Variants in PTPRG observed in about 807,000 individuals in gnomAD.
PTPRG encodes protein tyrosine phosphatase receptor type G.
Under a neutral mutation model 165.3 loss-of-function variants are expected in PTPRG, and 102 were observed. The ratio of observed to expected loss-of-function variants is 0.62; its 90% CI spans 0.53 to 0.73. The LOEUF is 0.73. Among genes scored for constraint, PTPRG ranks in the 30% least tolerant of loss-of-function variants. The probability of loss-of-function intolerance (pLI) is 0.00; values close to 1 mark genes in which losing one functional copy is unlikely to be tolerated. For synonymous variants in PTPRG, 675 were observed against 669.5 expected, an observed-to-expected ratio of 1.01 and a Z score of -0.13; for missense variants, 1,866 against 1,861.4, an observed-to-expected ratio of 1.00 and a Z score of -0.05.
At chr3:61,787,680 A>C (rs2034749484) in intron 2 of PTPRG, among the ~76,000 whole-genome samples, 3 of 152,196 alleles carry the variant, frequency 2.0e-5, no homozygotes, top group South Asian at 4.1e-4. Flanking sequence ...TTTTGGTATG[A>C]TGGACACAAT....
intron 1 of PTPRG, among the ~76,000 whole-genome samples, chr3:61,573,275 C>G (rs923687855): frequency 1.3e-5 from 2 of 152,134 alleles, no homozygotes; most frequent in Non-Finnish European, 2.9e-5. Flanking sequence ...GGGGGGAAAG[C>G]CAGTGACTAT....
At chr3:61,940,645 A>T (rs1331785060) in intron 2 of PTPRG, among the ~76,000 whole-genome samples, 1 of 145,232 alleles carries the variant, frequency 6.9e-6, no homozygotes, top group Non-Finnish European at 1.5e-5. Flanking sequence ...GATTCAGTAG[A>T]TGCTTTTATT....
intron 1 of PTPRG, among the ~76,000 whole-genome samples, chr3:61,614,508 C>T (rs1299430904): frequency 1.4e-5 from 2 of 138,868 alleles, no homozygotes; most frequent in Admixed American, 8.1e-5. Context: ...TTCTGGGGCT[C>T]AAGTGATCCT....
chr3:61,846,927 G>C (rs545633938), intron 2 of PTPRG, among the ~76,000 whole-genome samples: 233 of 152,214 alleles, frequency 1.5e-3, no homozygotes, highest in African/African-American at 5.4e-3. Context: ...AAAATAGAGA[G>C]AGAGGGACAA....
chr3:61,902,315 A>G (rs964576256), intron 2 of PTPRG, among the ~76,000 whole-genome samples: 12 of 152,178 alleles, frequency 7.9e-5, no homozygotes, highest in East Asian at 3.8e-4. Context: ...TTTCCATTGT[A>G]TGGTTCTTAA....
intron 6 of PTPRG, among the ~76,000 whole-genome samples, chr3:62,146,579 T>C (rs1199573871): frequency 6.6e-6 from 1 of 151,246 alleles, no homozygotes; most frequent in African/African-American, 2.4e-5. Context: ...CATACCTCCA[T>C]CACTGCATGG....
intron 2 of PTPRG, among the ~76,000 whole-genome samples, chr3:61,793,707 A>AAGTCC (rs1452365590): frequency 1.3e-5 from 2 of 152,214 alleles, no homozygotes; most frequent in African/African-American, 4.8e-5. Context: ...AAATTGGCAG[A>AAGTCC]AGTCCAGTCC....
chr3:62,203,657 C>A lies in PTPRG; in HGVS notation c.1862C>A (p.Thr621Lys). 6.4e-7 allele frequency: 1 copy of A among 1,562,100 alleles called. No individual in the cohort carries two copies. The highest frequency in any genetic ancestry group is 8.7e-7 in the Non-Finnish European group (1 of 1,152,678). Reference protein sequence around the residue: ...VTHAAEERNQTEPSPTPSSPN... With the variant: ...VTHAAEERNQKEPSPTPSSPN... ...CACGCTGCCGAGGAGCGGAATCAGA[C>A]GGAGCCCAGCCCCACACCCTCGTCT... Residue 621 changes from threonine to lysine, a missense_variant, in exon 12 of 30, where the codon ACG (threonine) becomes AAG (lysine). Coordinates refer to ENST00000474889, the MANE Select transcript of PTPRG (RefSeq NM_002841.4). This position sits in a 1 kb window ranked among gnomAD's most constrained non-coding sequence, Gnocchi z 6.4.
chr3:61,697,283 C>G (rs2030659207), intron 1 of PTPRG, among the ~76,000 whole-genome samples: 2 of 152,092 alleles, frequency 1.3e-5, no homozygotes. Context: ...AAGTCTCATA[C>G]TTCGGCATGC....
At chr3:62,056,414 T>C (rs551032766) in intron 4 of PTPRG, among the ~76,000 whole-genome samples, 2 of 152,288 alleles carry the variant, frequency 1.3e-5, no homozygotes, top group East Asian at 1.9e-4. Flanking sequence ...TAATACCTTA[T>C]AAGATTTTTT....
At position 61,915,479 on chromosome 3, in the gene PTPRG, G is replaced by A. The variant is rs1162948810; in HGVS notation, c.191-74146G>A. ...AAATCTGATTAATGTAGCAAGAGACGGTGTCAAGTTAGAGGAAGGCATTGT... is the reference window on the plus strand; with the variant it reads ...AAATCTGATTAATGTAGCAAGAGACAGTGTCAAGTTAGAGGAAGGCATTGT... On this transcript the variant is annotated intron_variant, in intron 2 of 29. Transcript: ENST00000474889. 2.0e-5 allele frequency among the ~76,000 whole-genome samples: 3 copies of A among 152,094 alleles called. No individual in the cohort carries two copies. In the East Asian group the frequency reaches 5.8e-4, roughly 29 times the overall value.
At chr3:61,678,285 C>T (rs1229523653) in intron 1 of PTPRG, among the ~76,000 whole-genome samples, 2 of 152,104 alleles carry the variant, frequency 1.3e-5, no homozygotes, top group African/African-American at 2.4e-5. Flanking sequence ...GAAGGGGTAG[C>T]CCGACGGGTT....
At chr3:62,133,209 C>T (rs1428714294) in intron 6 of PTPRG, among the ~76,000 whole-genome samples, 2 of 152,224 alleles carry the variant, frequency 1.3e-5, no homozygotes, top group Non-Finnish European at 1.5e-5. Flanking sequence ...TCTTTTCCAA[C>T]TGGTTTTTAT....
chr3:61,636,601 C>T (rs1483094276), intron 1 of PTPRG, among the ~76,000 whole-genome samples: 3 of 152,176 alleles, frequency 2.0e-5, no homozygotes, highest in Non-Finnish European at 4.4e-5. Flanking sequence ...GGATTACAGG[C>T]GTGAGCCACC....
chr3:62,069,737 G>A (rs117322831), intron 4 of PTPRG, among the ~76,000 whole-genome samples: 4 of 149,682 alleles, frequency 2.7e-5, no homozygotes, highest in East Asian at 4.0e-4. Context: ...GAGTAACTCC[G>A]GCCTATAATT....
chr3:61,890,335 C>A (rs1027543373), intron 2 of PTPRG, among the ~76,000 whole-genome samples: 1 of 151,276 alleles, frequency 6.6e-6, no homozygotes, highest in African/African-American at 2.4e-5. Context: ...GTTTGATTAA[C>A]CAAGCGCAGC....
chr3:61,868,665 A>G (rs191511086), intron 2 of PTPRG, among the ~76,000 whole-genome samples: 286 of 152,304 alleles, frequency 1.9e-3, no homozygotes, highest in Non-Finnish European at 3.4e-3. Flanking sequence ...TTTGTTACAG[A>G]AAATTCTGTG....
intron 5 of PTPRG, among the ~76,000 whole-genome samples, chr3:62,080,234 A>ATTTTTTTTT (rs112814144): frequency 7.3e-6 from 1 of 137,436 alleles, no homozygotes; most frequent in South Asian, 2.1e-4. Flanking sequence ...ATGCCCAGCT[A>ATTTTTTTTT]ATTTTTTTTT....
chr3:62,015,221 A>C (rs2041513037), intron 4 of PTPRG, among the ~76,000 whole-genome samples: 1 of 152,236 alleles, frequency 6.6e-6, no homozygotes, highest in African/African-American at 2.4e-5. Context: ...CCTGGCCTCA[A>C]GAGGCTTTTT....
Sources: allele counts gnomAD v4.1 joint callset (sites outside exome capture counted in the v4.1 genomes callset), GRCh38; gene constraint gnomAD v4.1.1; non-coding constraint Gnocchi (gnomAD v3.1); transcripts MANE v1.5; gene names NCBI Gene and HGNC (gene_info 2026-07-23, HGNC 2026-07-21).